Variants in TPPP observed in about 807,000 individuals in gnomAD.
TPPP encodes tubulin polymerization promoting protein, also known as tubulin polymerization-promoting protein.
In TPPP, 6 loss-of-function variants were observed where a neutral mutation model predicts 15.5. That is an observed-to-expected ratio of 0.39 (90% confidence interval 0.21 to 0.77). The LOEUF is 0.77. TPPP is among the 30% of genes least tolerant of loss of function. The pLI is 0.42. For synonymous variants in TPPP, 146 were observed against 133.9 expected (o/e 1.09, Z -0.63); for missense variants, 269 against 307.2 (o/e 0.88, Z 0.93).
chr5:665,355 G>A (rs1739852956), intron 3 of TPPP, 59 bp from the exon 4 acceptor site: 1 of 1,519,562 alleles, frequency 6.6e-7, no homozygotes, highest in East Asian at 2.4e-5. Context: ...AGGCCAGCAA[G>A]TGAAATGGCT....
Position 664,883 on chromosome 5 carries a change from G to A in TPPP, c.*219C>T. 2 of 584,768 alleles carry A rather than the reference G, an allele frequency of 3.4e-6. No individual in the cohort carries two copies. The highest frequency in any genetic ancestry group is 6.1e-6 in the Non-Finnish European group (2 of 328,842). The allele number at this position is 584,768 out of a possible 1,614,324, so 36.2% of individuals were successfully genotyped here. A position where few individuals can be genotyped will look rare whatever the true frequency, so the allele number is the denominator to read the frequency against. ...AGGACGAGGCAGGTGTATTAGGAGG[G>A]TCAGCGAACTGGGGCCCAAACCTGG... is the stretch of plus-strand genomic sequence containing the variant. On this transcript the variant is annotated 3_prime_UTR_variant, in exon 4 of 4. Transcript: ENST00000360578.
intron 2 of TPPP, among the ~76,000 whole-genome samples, chr5:677,072 C>G (rs1298919896): frequency 2.0e-5 from 3 of 152,154 alleles, no homozygotes; most frequent in African/African-American, 7.2e-5. Flanking sequence ...GAAACGCGCA[C>G]ACGTGCACAC....
At chr5:672,213 G>A (rs1040084980) in intron 2 of TPPP, among the ~76,000 whole-genome samples, 1 of 152,054 alleles carries the variant, frequency 6.6e-6, no homozygotes, top group African/African-American at 2.4e-5. Flanking sequence ...GGCTGGCCGG[G>A]GGGGTGTACC....
rs1305982785 is a variant in TPPP, at chr5:663,221, A to C, written c.*1881T>G. On this transcript the variant is annotated 3_prime_UTR_variant, in exon 4 of 4. Coordinates refer to ENST00000360578, the MANE Select transcript of TPPP (RefSeq NM_007030.3). ...GTGACCGCTCGTCTGTGATCGGGTG[A>C]TTCCGAACCGCACATTCAGAGTTGT... is the stretch of plus-strand genomic sequence containing the variant. 6.6e-6 allele frequency: 1 copy of C among 152,382 alleles called. No individual in the cohort carries two copies. The highest frequency in any genetic ancestry group is 1.9e-4 in the East Asian group (1 of 5,332). 9.4% of individuals were successfully genotyped at this position (152,382 alleles called of 1,614,324 possible). A position where few individuals can be genotyped will look rare whatever the true frequency, so the allele number is the denominator to read the frequency against.
rs1388510392 is a variant in TPPP at position 677,983 on chromosome 5, C to A, written c.78G>T (p.Arg26=). The change falls in exon 2 of 4, where the codon CGG becomes CGT. Residue 26 remains arginine (R), a synonymous_variant. Coordinates refer to ENST00000360578, the MANE Select transcript of TPPP (RefSeq NM_007030.3). ...PKSPGDPSKD[R]AAKRLSLESE... ...ATTCCAGCGACAGCCTCTTGGCTGC[C>A]CGGTCCTTCGAGGGGTCCCCCGGGG... 1 of 1,609,468 alleles carries A rather than the reference C, an allele frequency of 6.2e-7. No individual in the cohort carries two copies. Among genetic ancestry groups the A allele is most frequent in the South Asian group, 1.1e-5 (1 of 90,528 alleles).
At chr5:681,542 A>G (rs1339204768) in intron 1 of TPPP, among the ~76,000 whole-genome samples, 1 of 152,146 alleles carries the variant, frequency 6.6e-6, no homozygotes, top group Non-Finnish European at 1.5e-5. Context: ...CCTCCCTGGT[A>G]GGAGGGACGT....
At chr5:676,146 C>T (rs1487576945) in intron 2 of TPPP, 1 of 152,258 alleles carries the variant, frequency 6.6e-6, no homozygotes, top group Non-Finnish European at 1.5e-5. Context: ...GTTCAGGCAT[C>T]CTTCTGAGCA....
chr5:666,824 T>TAATA (rs906839045), intron 2 of TPPP: 17 of 152,346 alleles, frequency 1.1e-4, no homozygotes, highest in African/African-American at 4.1e-4. Flanking sequence ...GGTTTTTATA[T>TAATA]AATAATTCTA....
At chr5:674,661 C>T (rs1483559307) in intron 2 of TPPP, among the ~76,000 whole-genome samples, 1 of 151,870 alleles carries the variant, frequency 6.6e-6, no homozygotes, top group Non-Finnish European at 1.5e-5. Context: ...GACCTGCCAG[C>T]AGCTGGCTGG....
upstream of TPPP, among the ~76,000 whole-genome samples, chr5:696,293 G>A (rs1448427623): frequency 8.0e-6 from 1 of 124,794 alleles, no homozygotes; most frequent in African/African-American, 3.1e-5. Flanking sequence ...ACAGAGGCAC[G>A]GGGAGCGGGG....
intron 1 of TPPP, among the ~76,000 whole-genome samples, chr5:682,570 C>T (rs1187129809): frequency 2.8e-5 from 4 of 141,926 alleles, no homozygotes; most frequent in Admixed American, 6.9e-5. Context: ...TCACTAGGGC[C>T]AGGGGTCTGC....
rs1561090176 is a variant in TPPP, at chr5:679,392, CGCGTGGGG to C, written c.-4-1336_-4-1329del. Among the ~76,000 whole-genome samples, 15 of 132,036 alleles carry C rather than the reference CGCGTGGGG, an allele frequency of 1.1e-4. 1 individual carries two copies. The highest frequency in any genetic ancestry group is 3.7e-4 in the African/African-American group (10 of 26,942). The allele number at this position is 132,036 out of a possible 152,430, so 86.6% of individuals were successfully genotyped here. On this transcript the variant is annotated intron_variant, in intron 1 of 3. Transcript: ENST00000360578. ...GGCAGGATCCTGGTGGGGGCTGGGC[CGCGTGGGG>C]GCAGGATCCTGGGGGTGGAAGGGCC...
chr5:677,086 G>A (rs1460896317), intron 2 of TPPP, among the ~76,000 whole-genome samples: 5 of 152,234 alleles, frequency 3.3e-5, no homozygotes, highest in South Asian at 2.1e-4. Context: ...TGCACACGAC[G>A]CAGAAAAAGC....
intron 3 of TPPP, 50 bp from the exon 4 acceptor site, chr5:665,346 G>A: frequency 6.4e-7 from 1 of 1,550,470 alleles, no homozygotes; most frequent in South Asian, 1.2e-5. Context: ...AGCCAGGTGA[G>A]GCCAGCAAGT....
chr5:698,624 C>T, the TPPP span, among the ~76,000 whole-genome samples: 1 of 151,880 alleles, frequency 6.6e-6, no homozygotes, highest in African/African-American at 2.4e-5. Context: ...CATCAGGTCT[C>T]ATGAGACTTA....
At chr5:666,854 C>T (rs1739937273) in intron 2 of TPPP, 1 of 152,200 alleles carries the variant, frequency 6.6e-6, no homozygotes, top group Non-Finnish European at 1.5e-5. Context: ...CATTTTTCTC[C>T]TCTGACCAGA....
chr5:676,949 ACG>A (rs1357616444), intron 2 of TPPP, among the ~76,000 whole-genome samples: 8 of 150,894 alleles, frequency 5.3e-5, no homozygotes, highest in African/African-American at 2.0e-4. Flanking sequence ...CGACGCAGAA[ACG>A]CGCACACGTG....
At chr5:692,439 TAGCAGCCTCCCAACCCCTATCAAAAC>T (rs1255721446) in intron 1 of TPPP, 2 of 163,188 alleles carry the variant, frequency 1.2e-5, no homozygotes, top group Non-Finnish European at 1.5e-5. Context: ...CGTATCAAAA[TAGCAGCCTCCCAACCCCTATCAAAAC>T]AGCAGCCCCC....
intron 1 of TPPP, among the ~76,000 whole-genome samples, chr5:683,890 C>T (rs1371842363): frequency 2.0e-5 from 3 of 152,022 alleles, no homozygotes; most frequent in African/African-American, 7.2e-5. Context: ...CCTCCACAGG[C>T]TCAGCTGGGT....
Sources: gnomAD v4.1 joint callset for allele counts (sites outside exome capture counted in the v4.1 genomes callset) on GRCh38, gnomAD v4.1.1 for gene constraint, MANE v1.5 for transcripts, NCBI Gene and HGNC (gene_info 2026-07-23, HGNC 2026-07-21) for gene names.